Variants in ZNF248 observed in about 807,000 individuals in gnomAD.
ZNF248 encodes zinc finger protein 248, also known as KRAB protein domain.
ZNF248 carries 20 observed loss-of-function variants against 44.3 expected under a neutral mutation model. The ratio of observed to expected loss-of-function variants is 0.45; its 90% CI spans 0.32 to 0.66. ZNF248 has a LOEUF of 0.66. Ranked by LOEUF, ZNF248 falls within the 30% of genes least tolerant of loss-of-function variation. The pLI is 0.04. For missense variants in ZNF248, 654 were observed against 677.0 expected (o/e 0.97, Z 0.38); for synonymous variants, 224 against 229.0 (o/e 0.98, Z 0.20).
chr10:37,777,908 G>A (rs1288009878), intron 6 of ZNF248, among the ~76,000 whole-genome samples: 2 of 151,968 alleles, frequency 1.3e-5, no homozygotes, highest in African/African-American at 4.8e-5. Flanking sequence ...GTGTATATGT[G>A]CCACATTTTC....
chr10:37,789,301 A>T (rs1033678922), intron 6 of ZNF248, among the ~76,000 whole-genome samples: 40 of 152,022 alleles, frequency 2.6e-4, no homozygotes, highest in Non-Finnish European at 5.3e-4. Context: ...CAAAAAAAAA[A>T]ACTGCTAAAA....
intron 1 of ZNF248, 34 bp from the exon 2 acceptor site, chr10:37,856,566 T>C: frequency 8.5e-7 from 1 of 1,178,770 alleles, no homozygotes; most frequent in Non-Finnish European, 1.0e-6. Context: ...CATGAAAAGA[T>C]GAGTTTAACA....
At chr10:37,782,455 T>TG (rs1427629771) in intron 6 of ZNF248, among the ~76,000 whole-genome samples, 1 of 151,724 alleles carries the variant, frequency 6.6e-6, no homozygotes, top group Admixed American at 6.6e-5. Context: ...TGAATTTTGG[T>TG]GGGGGTTGGG....
In ZNF248 at chr10:37,796,864, C is replaced by G. The variant is rs550314429; in HGVS notation, c.331-20289G>C. 2.6e-5 allele frequency among the ~76,000 whole-genome samples: 4 copies of G among 152,132 alleles called. No individual in the cohort carries two copies. In the East Asian group the frequency reaches 7.7e-4, roughly 29 times the overall value. Reference sequence around the variant, plus strand: ...AATTAGAATATCAGTTACACATAAACATTAGGAAGACAAAAATAGAGGCAG... The same window carrying G: ...AATTAGAATATCAGTTACACATAAAGATTAGGAAGACAAAAATAGAGGCAG... On this transcript the variant is annotated intron_variant, in intron 6 of 6. Transcript: ENST00000615949.
chr10:37,809,300 C>T (rs772465267), intron 6 of ZNF248, among the ~76,000 whole-genome samples: 12 of 145,380 alleles, frequency 8.3e-5, no homozygotes, highest in Middle Eastern at 3.6e-3. Flanking sequence ...ATTTTTGAGA[C>T]GGAGTCTAGT....
At chr10:37,793,243 C>A (rs898308435) in intron 6 of ZNF248, among the ~76,000 whole-genome samples, 41 of 151,812 alleles carry the variant, frequency 2.7e-4, no homozygotes, top group African/African-American at 9.2e-4. Flanking sequence ...GCTGAGGCAG[C>A]AGAATTGCTT....
the ZNF248 span, among the ~76,000 whole-genome samples, chr10:37,765,209 G>C: frequency 6.6e-6 from 1 of 152,000 alleles, no homozygotes; most frequent in Non-Finnish European, 1.5e-5. Context: ...TGCCCACCTC[G>C]GCCTCCCAAA....
chr10:37,781,063 T>G (rs573016505), intron 6 of ZNF248, among the ~76,000 whole-genome samples: 2 of 152,176 alleles, frequency 1.3e-5, no homozygotes, highest in East Asian at 3.9e-4. Flanking sequence ...CTGGGTTTAA[T>G]AGTGCGCTTT....
intron 6 of ZNF248, among the ~76,000 whole-genome samples, chr10:37,793,862 CTG>C (rs1460974779): frequency 6.6e-5 from 10 of 152,142 alleles, no homozygotes; most frequent in Non-Finnish European, 1.3e-4. Flanking sequence ...GATGCAAAAA[CTG>C]TGATGACATT....
intron 3 of ZNF248, among the ~76,000 whole-genome samples, chr10:37,847,772 C>T (rs1383712830): frequency 6.6e-6 from 1 of 152,030 alleles, no homozygotes; most frequent in Admixed American, 6.6e-5. Context: ...ATAATCTCAG[C>T]AGGAATGGGT....
intron 3 of ZNF248, among the ~76,000 whole-genome samples, chr10:37,852,760 T>C (rs1388481386): frequency 3.3e-5 from 5 of 150,894 alleles, no homozygotes; most frequent in Admixed American, 3.3e-4. Context: ...ATAGAAACAG[T>C]ACACACATTT....
intron 5 of ZNF248, among the ~76,000 whole-genome samples, chr10:37,836,454 T>G (rs2134054076): frequency 6.6e-6 from 1 of 152,278 alleles, no homozygotes; most frequent in Non-Finnish European, 1.5e-5. Flanking sequence ...CCAACCACAG[T>G]GATTTCCCTG....
At chr10:37,772,833 T>C (rs923950303), downstream of ZNF248, among the ~76,000 whole-genome samples, 3 of 152,342 alleles carry the variant, frequency 2.0e-5, no homozygotes, top group South Asian at 4.1e-4. Flanking sequence ...AGTAACAGCG[T>C]TCCACATTTC....
intron 6 of ZNF248, among the ~76,000 whole-genome samples, chr10:37,790,555 C>A (rs2048381016): frequency 6.6e-6 from 1 of 151,184 alleles, no homozygotes; most frequent in Non-Finnish European, 1.5e-5. Context: ...ACTAAAAATA[C>A]CAAAATTAGC....
At chr10:37,779,377 T>A (rs1223034782) in intron 6 of ZNF248, among the ~76,000 whole-genome samples, 1 of 152,106 alleles carries the variant, frequency 6.6e-6, no homozygotes, top group African/African-American at 2.4e-5. Flanking sequence ...AATCAATAAA[T>A]GTAATCCAGC....
chr10:37,853,611 C>T (rs1350964364), intron 3 of ZNF248, among the ~76,000 whole-genome samples: 1 of 151,684 alleles, frequency 6.6e-6, no homozygotes, highest in Non-Finnish European at 1.5e-5. Context: ...AACTCCCGAC[C>T]TCAGGTAATC....
downstream of ZNF248, chr10:37,776,511 T>A (rs2046597148): frequency 2.5e-6 from 1 of 398,390 alleles, no homozygotes; most frequent in East Asian, 3.6e-5. Flanking sequence ...GTGGGATTCC[T>A]GTTCCTAGGG....
rs182668329 is a variant in ZNF248, at chr10:37,848,775, A to G, written c.15+7521T>C. On this transcript the variant is annotated intron_variant, in intron 3 of 5. Coordinates refer to ENST00000395867, the MANE Select transcript of ZNF248 (RefSeq NM_021045.3). ...AAACCTGCTGGATTTCTTACCTATT[A>G]TGTTTCCTTACCAATTCATCTACAA... is the stretch of plus-strand genomic sequence containing the variant. Among the ~76,000 whole-genome samples, 242 of 152,320 alleles carry G rather than the reference A, an allele frequency of 1.6e-3. 2 individuals are homozygous for G. Among genetic ancestry groups the G allele is most frequent in the Non-Finnish European group, 2.9e-3 (196 of 68,036 alleles).
chr10:37,767,868 A>G, the ZNF248 span, among the ~76,000 whole-genome samples: 2 of 152,200 alleles, frequency 1.3e-5, no homozygotes, highest in Admixed American at 6.5e-5. Flanking sequence ...AGTGTGCTGT[A>G]TTCAGGAAAC....
Sources: gnomAD v4.1 joint callset for allele counts (sites outside exome capture counted in the v4.1 genomes callset) on GRCh38, gnomAD v4.1.1 for gene constraint, MANE v1.5 for transcripts, NCBI Gene and HGNC (gene_info 2026-07-23, HGNC 2026-07-21) for gene names.